GABRB2: variants seen among roughly 807,000 people sequenced by gnomAD.
The protein encoded by GABRB2 is gamma-aminobutyric acid receptor subunit beta-2.
Under a neutral mutation model 54.7 loss-of-function variants are expected in GABRB2, and 16 were observed. The observed-to-expected ratio is 0.29, with a 90% CI of 0.20 to 0.44. GABRB2 has a LOEUF of 0.44. Among genes scored for constraint, GABRB2 ranks in the 20% least tolerant of loss-of-function variants. The probability of loss-of-function intolerance (pLI) is 1.00; values close to 1 mark genes in which losing one functional copy is unlikely to be tolerated. For missense variants in GABRB2, 355 were observed against 644.0 expected, an observed-to-expected ratio of 0.55 and a Z score of 4.86; for synonymous variants, 244 against 233.8, an observed-to-expected ratio of 1.04 and a Z score of -0.40.
intron 4 of GABRB2, among the ~76,000 whole-genome samples, chr5:161,451,513 T>C (rs563660567): frequency 3.7e-4 from 57 of 152,306 alleles, no homozygotes; most frequent in African/African-American, 1.3e-3. Context: ...AAGACAACTA[T>C]AAGATTATAA....
intron 5 of GABRB2, among the ~76,000 whole-genome samples, chr5:161,391,543 T>G (rs1474250667): frequency 6.6e-6 from 1 of 152,122 alleles, no homozygotes; most frequent in Non-Finnish European, 1.5e-5. Context: ...CTATTTGAAA[T>G]ACAAATTCTG....
chr5:161,385,641 C>T (rs1265114993), intron 5 of GABRB2, among the ~76,000 whole-genome samples: 2 of 152,132 alleles, frequency 1.3e-5, no homozygotes, highest in African/African-American at 2.4e-5. Context: ...ATTAGTTGAT[C>T]ATATAGCCTG....
chr5:161,343,037 C>A (rs1481145424), intron 5 of GABRB2, among the ~76,000 whole-genome samples: 1 of 152,022 alleles, frequency 6.6e-6, no homozygotes. Flanking sequence ...GGACTGAGCG[C>A]AGTCAATGCC....
chr5:161,509,681 A>C (rs1759707368), intron 3 of GABRB2, among the ~76,000 whole-genome samples: 1 of 152,046 alleles, frequency 6.6e-6, no homozygotes, highest in African/African-American at 2.4e-5. Context: ...AATACTCGAG[A>C]TATTTTACAC....
intron 5 of GABRB2, among the ~76,000 whole-genome samples, chr5:161,356,701 G>A (rs959419544): frequency 3.9e-5 from 6 of 152,066 alleles, no homozygotes; most frequent in African/African-American, 9.7e-5. Flanking sequence ...ACAATGAATC[G>A]CAGGTGCCAT....
intron 5 of GABRB2, among the ~76,000 whole-genome samples, chr5:161,406,501 C>T (rs1228879771): frequency 6.6e-6 from 1 of 151,856 alleles, no homozygotes; most frequent in Non-Finnish European, 1.5e-5. Flanking sequence ...AAAATATAAC[C>T]ACCAAAACTG....
At chr5:161,369,376 C>CATTAAGATAGGCAT (rs1277600123) in intron 5 of GABRB2, among the ~76,000 whole-genome samples, 1 of 152,114 alleles carries the variant, frequency 6.6e-6, no homozygotes, top group African/African-American at 2.4e-5. Flanking sequence ...TAAGAATATG[C>CATTAAGATAGGCAT]ATTAAGATAG....
At chr5:161,311,827 A>C (rs1165960457) in intron 9 of GABRB2, among the ~76,000 whole-genome samples, 2 of 152,218 alleles carry the variant, frequency 1.3e-5, no homozygotes, top group Admixed American at 1.3e-4. Context: ...ATTTTTATGC[A>C]TGTTAAAGAT....
chr5:161,355,814 T>C (rs1248139511), intron 5 of GABRB2, among the ~76,000 whole-genome samples: 2 of 152,026 alleles, frequency 1.3e-5, no homozygotes, highest in African/African-American at 4.8e-5. Flanking sequence ...TTGCAATATG[T>C]ATAGGAGTGT....
chr5:161,417,762 A>G (rs2113135584), intron 4 of GABRB2, among the ~76,000 whole-genome samples: 1 of 152,200 alleles, frequency 6.6e-6, no homozygotes, highest in Middle Eastern at 3.4e-3. Context: ...AGTCCCACTT[A>G]ATATTTTTCC....
intron 6 of GABRB2, among the ~76,000 whole-genome samples, chr5:161,335,245 G>A (rs887891876): frequency 6.6e-6 from 1 of 152,028 alleles, no homozygotes; most frequent in African/African-American, 2.4e-5. Flanking sequence ...AGTTCATCCT[G>A]TAAGTTTAAT....
chr5:161,407,648 T>C (rs888924199), intron 5 of GABRB2, among the ~76,000 whole-genome samples: 1 of 152,030 alleles, frequency 6.6e-6, no homozygotes, highest in African/African-American at 2.4e-5. Flanking sequence ...ATAGGCAGTA[T>C]TCCAGTGTCC....
At chr5:161,503,853 T>G (rs1396757336) in intron 3 of GABRB2, among the ~76,000 whole-genome samples, 1 of 151,796 alleles carries the variant, frequency 6.6e-6, no homozygotes, top group Non-Finnish European at 1.5e-5. Context: ...CACACAGGTA[T>G]GAAAGAATGA....
chr5:161,542,440 T>C (rs912250965), intron 3 of GABRB2, among the ~76,000 whole-genome samples: 29 of 152,170 alleles, frequency 1.9e-4, no homozygotes, highest in African/African-American at 6.8e-4. Flanking sequence ...TCACCCAAGA[T>C]AGGTAAAATG....
chr5:161,464,416 C>CA (rs1229542727), intron 3 of GABRB2, among the ~76,000 whole-genome samples: 3 of 152,054 alleles, frequency 2.0e-5, no homozygotes, highest in African/African-American at 7.2e-5. Context: ...TAAAAAAGTG[C>CA]AAATAAAAAT....
At chr5:161,534,226 CAGTGGCATCCATTAGGTAGAAGCA>C (rs1469996966) in intron 3 of GABRB2, among the ~76,000 whole-genome samples, 1 of 152,062 alleles carries the variant, frequency 6.6e-6, no homozygotes, top group African/African-American at 2.4e-5. Flanking sequence ...TCAGGGATGC[CAGTGGCATCCATTAGGTAGAAGCA>C]AGGGATTCAG....
intron 9 of GABRB2, among the ~76,000 whole-genome samples, chr5:161,306,947 C>T (rs1051732664): frequency 6.6e-6 from 1 of 152,056 alleles, no homozygotes; most frequent in Non-Finnish European, 1.5e-5. Context: ...GATTATGGAA[C>T]AAATGTCTTT....
At chr5:161,516,250 T>C (rs1327184891) in intron 3 of GABRB2, among the ~76,000 whole-genome samples, 1 of 152,188 alleles carries the variant, frequency 6.6e-6, no homozygotes, top group African/African-American at 2.4e-5. Flanking sequence ...TTAGCTAATA[T>C]CAATTGGTTG....
rs527370265 is a variant in GABRB2 at position 161,327,766 on chromosome 5, C to T, written c.1078-1285G>A. 4.6e-5 allele frequency among the ~76,000 whole-genome samples: 7 copies of T among 152,004 alleles called. No individual in the cohort carries two copies. In the East Asian group the frequency reaches 5.8e-4, roughly 13 times the overall value. Reference sequence around the variant, plus strand: ...ACTCCTTCCATCTTTAGGAAATCACCAAAGGAAGGTGAAAAATTTAATCCC... The same window carrying T: ...ACTCCTTCCATCTTTAGGAAATCACTAAAGGAAGGTGAAAAATTTAATCCC... On this transcript the variant is annotated intron_variant, in intron 8 of 9. Coordinates refer to ENST00000393959, the MANE Select transcript of GABRB2 (RefSeq NM_001371727.1).
Sources: allele counts gnomAD v4.1 joint callset (sites outside exome capture counted in the v4.1 genomes callset), GRCh38; gene constraint gnomAD v4.1.1; transcripts MANE v1.5; gene names NCBI Gene and HGNC (gene_info 2026-07-23, HGNC 2026-07-21).